Variants in TIE1 observed in about 807,000 individuals in gnomAD.
The protein encoded by TIE1 is tyrosine-protein kinase receptor Tie-1.
In TIE1, 89 loss-of-function variants were observed where a neutral mutation model predicts 130.5. The observed-to-expected ratio is 0.68, with a 90% CI of 0.57 to 0.81. The LOEUF is 0.81. Ranked by LOEUF, TIE1 falls within the 40% of genes least tolerant of loss-of-function variation. The probability of loss-of-function intolerance (pLI) is 0.00; values close to 1 mark genes in which losing one functional copy is unlikely to be tolerated. For missense variants in TIE1, 1,392 were observed against 1,559.8 expected, an observed-to-expected ratio of 0.89 and a Z score of 1.81; for synonymous variants, 568 against 629.4, an observed-to-expected ratio of 0.90 and a Z score of 1.46.
At chr1:43,310,941 A>G (rs1646784069) in intron 9 of TIE1, among the ~76,000 whole-genome samples, 1 of 152,002 alleles carries the variant, frequency 6.6e-6, no homozygotes, top group African/African-American at 2.4e-5. Flanking sequence ...TCTGGTAAAC[A>G]TTTGTAAGAG....
chr1:43,307,669 T>A lies in TIE1; in HGVS notation c.913+97T>A. 1 of 1,602,604 alleles carries A rather than the reference T, an allele frequency of 6.2e-7. No homozygotes were observed. Among genetic ancestry groups the A allele is most frequent in the Non-Finnish European group, 8.5e-7 (1 of 1,172,148 alleles). ...TGCCTCTGACTTACGCAGCAAGCCCTCCTGCTCACTTGACCAGTCCTTCTA... is the reference window on the plus strand; with the variant it reads ...TGCCTCTGACTTACGCAGCAAGCCCACCTGCTCACTTGACCAGTCCTTCTA... On this transcript the variant is annotated intron_variant, in intron 6 of 22. Coordinates refer to ENST00000372476, the MANE Select transcript of TIE1 (RefSeq NM_005424.5). This position sits in a 1 kb window ranked among gnomAD's most constrained non-coding sequence, Gnocchi z 5.4.
chr1:43,306,891 T>C lies in TIE1; in HGVS notation c.536T>C (p.Leu179Pro), dbSNP rs1646733622. ...DWHEAQDGRFLLQLPNVQPPS... is the reference protein window; with the variant it reads ...DWHEAQDGRFPLQLPNVQPPS... Reference sequence around the variant, plus strand: ...CATGAAGCCCAGGATGGGCGGTTCCTGCTGCAGCTCCCAAATGTGCAGCCA... The same window carrying C: ...CATGAAGCCCAGGATGGGCGGTTCCCGCTGCAGCTCCCAAATGTGCAGCCA... Residue 179 changes from leucine to proline, a missense_variant, in exon 4 of 23, where the codon CTG becomes CCG. By Grantham distance (98) the Leu-to-Pro change is moderately conservative. Transcript: ENST00000372476. This position sits in a 1 kb window ranked among gnomAD's most constrained non-coding sequence, Gnocchi z 4.9. The C allele has an allele frequency of 6.2e-7, 1 of 1,614,058 alleles. No individual in the cohort carries two copies. The highest frequency in any genetic ancestry group is 8.5e-7 in the Non-Finnish European group (1 of 1,180,010).
rs1336497349 is a variant in TIE1 at position 43,306,332 on chromosome 1, G to A, written c.485-508G>A. The stretch of plus-strand genomic sequence containing the variant: ...TTCAGGAATGTTAGGAGTCAAGAAG[G>A]GTGTGAAGACGAATGGGGCTGGATG... On this transcript the variant is annotated intron_variant, in intron 3 of 22. Transcript: ENST00000372476. This position sits in a 1 kb window ranked among gnomAD's most constrained non-coding sequence, Gnocchi z 4.9. Among the ~76,000 whole-genome samples the A allele has an allele frequency of 6.6e-6, 1 of 152,202 alleles. No homozygotes were observed. The highest frequency in any genetic ancestry group is 2.4e-5 in the African/African-American group (1 of 41,444).
chr1:43,305,600 G>A (rs1376994501), intron 3 of TIE1, among the ~76,000 whole-genome samples: 1 of 152,178 alleles, frequency 6.6e-6, no homozygotes, highest in African/African-American at 2.4e-5. Context: ...AAATGAGCAC[G>A]ATGTTAAACC....
rs1376012029 is a variant in TIE1 at position 43,307,388 on chromosome 1, A to C, written c.773-44A>C. 6.2e-7 allele frequency: 1 copy of C among 1,609,816 alleles called. No homozygotes were observed. Among genetic ancestry groups the C allele is most frequent in the Non-Finnish European group, 8.5e-7 (1 of 1,176,736 alleles). ...AGGGCGACAGGCAGGTCCTGGGCCC[A>C]GGGGCCCACAGAGGCCCATACACCC... On this transcript the variant is annotated intron_variant, in intron 5 of 22. Coordinates refer to ENST00000372476, the MANE Select transcript of TIE1 (RefSeq NM_005424.5). This position sits in a 1 kb window ranked among gnomAD's most constrained non-coding sequence, Gnocchi z 5.4.
Position 43,306,233 on chromosome 1 carries a change from G to C in TIE1, c.485-607G>C, listed in dbSNP as rs1002650443. 6.6e-6 allele frequency among the ~76,000 whole-genome samples: 1 copy of C among 152,238 alleles called. No homozygotes were observed. The highest frequency in any genetic ancestry group is 1.5e-5 in the Non-Finnish European group (1 of 68,044). On this transcript the variant is annotated intron_variant, in intron 3 of 22. Coordinates refer to ENST00000372476, the MANE Select transcript of TIE1 (RefSeq NM_005424.5). This position sits in a 1 kb window ranked among gnomAD's most constrained non-coding sequence, Gnocchi z 4.9. ...AGAAAAGGAAGGAAGGGCCTTCCAG[G>C]AGGAGGGACTGAGAAGAGCAGTAGG...
In TIE1 at chr1:43,322,703, C is replaced by G. The variant is rs1372878399; in HGVS notation, c.3398C>G (p.Ala1133Gly). ...FENFTYAGID[A>G]TAEEA ...AACTTCACTTACGCGGGCATTGATG[C>G]CACAGCTGAGGAGGCCTGAGCTGCC... The change falls in exon 23 of 23, where the codon GCC (alanine) becomes GGC (glycine). Residue 1133 changes from alanine (A) to glycine (G), a missense_variant. Ala to Gly is a moderately conservative substitution (Grantham distance 60). Coordinates refer to ENST00000372476, the MANE Select transcript of TIE1 (RefSeq NM_005424.5). This position sits in a 1 kb window ranked among gnomAD's most constrained non-coding sequence, Gnocchi z 4.0. 1 of 1,613,860 alleles carries G rather than the reference C, an allele frequency of 6.2e-7. No homozygotes were observed. The highest frequency in any genetic ancestry group is 1.3e-5 in the African/African-American group (1 of 74,938).
At chr1:43,310,220 C>T (rs1331252269) in intron 9 of TIE1, among the ~76,000 whole-genome samples, 1 of 152,104 alleles carries the variant, frequency 6.6e-6, no homozygotes, top group Non-Finnish European at 1.5e-5. Context: ...CTCGCCATCT[C>T]CCTATCCCGT....
chr1:43,303,286 C>T (rs1366439414), intron 1 of TIE1, among the ~76,000 whole-genome samples: 1 of 152,050 alleles, frequency 6.6e-6, no homozygotes, highest in African/African-American at 2.4e-5. Flanking sequence ...AAGACCGTTC[C>T]CGAGTTACTG....
rs200354539 is a variant in TIE1 at position 43,311,683 on chromosome 1, C to G, written c.1346C>G (p.Pro449Arg). Reference sequence around the variant, plus strand: ...AGTCTCCTGGCAGTGCCCCCCGTGCCCCTGGCTGCACCTCGGCTCCTGACC... The same window carrying G: ...AGTCTCCTGGCAGTGCCCCCCGTGCGCCTGGCTGCACCTCGGCTCCTGACC... ...FKVNVKVPPV[P>R]LAAPRLLTKQ... The change falls in exon 10 of 23, where the codon CCC becomes CGC. Residue 449 changes from proline (P) to arginine (R), a missense_variant. This residue lies in a region of TIE1 where 551 missense variants were observed against 565.5 expected (regional missense o/e 0.97). Transcript: ENST00000372476. 2 of 1,613,150 alleles carry G rather than the reference C, an allele frequency of 1.2e-6. No homozygotes were observed. Among genetic ancestry groups the G allele is most frequent in the African/African-American group, 2.7e-5 (2 of 75,002 alleles).
chr1:43,314,339 A>G, intron 14 of TIE1: 1 of 1,146,024 alleles, frequency 8.7e-7, no homozygotes, highest in Non-Finnish European at 1.1e-6. Context: ...AAGGTGATCA[A>G]ATGGAAGGGC....
Position 43,312,187 on chromosome 1 carries a change from C to T in TIE1, c.1630+56C>T. On this transcript the variant is annotated intron_variant, in intron 11 of 22. Coordinates refer to ENST00000372476, the MANE Select transcript of TIE1 (RefSeq NM_005424.5). The surrounding 1 kb of genome is among the most constrained non-coding windows in gnomAD (Gnocchi z 5.6). ...CCCCCAAGGGTTACTTTCCCGTCGA[C>T]CCCAGGGACCCCTGCCTTTCCCACT... is the stretch of plus-strand genomic sequence containing the variant. 4 of 1,513,366 alleles carry T rather than the reference C, an allele frequency of 2.6e-6. No individual in the cohort carries two copies. The highest frequency in any genetic ancestry group is 3.5e-6 in the Non-Finnish European group (4 of 1,130,894). The allele number at this position is 1,513,366 out of a possible 1,614,324, so 93.7% of individuals were successfully genotyped here. A position where few individuals can be genotyped will look rare whatever the true frequency, so the allele number is the denominator to read the frequency against.
chr1:43,306,309 C>T lies in TIE1; in HGVS notation c.485-531C>T, dbSNP rs145752536. Among the ~76,000 whole-genome samples the T allele has an allele frequency of 2.0e-4, 30 of 152,250 alleles. No homozygotes were observed. The highest frequency in any genetic ancestry group is 7.2e-4 in the African/African-American group (30 of 41,530). ...AAGAGAAACAATCCATTCAGGAATTCAGGAATGTTAGGAGTCAAGAAGGGT... is the reference window on the plus strand; with the variant it reads ...AAGAGAAACAATCCATTCAGGAATTTAGGAATGTTAGGAGTCAAGAAGGGT... On this transcript the variant is annotated intron_variant, in intron 3 of 22. Transcript: ENST00000372476. The surrounding 1 kb of genome is among the most constrained non-coding windows in gnomAD (Gnocchi z 4.9).
At position 43,313,185 on chromosome 1, in the gene TIE1, A is replaced by G. The variant is rs774817949; in HGVS notation, c.1978A>G (p.Ile660Val). 6.2e-7 allele frequency: 1 copy of G among 1,613,544 alleles called. No homozygotes were observed. Among genetic ancestry groups the G allele is most frequent in the African/African-American group, 1.3e-5 (1 of 74,976 alleles). The change falls in exon 13 of 23, where the codon ATC (isoleucine) becomes GTC (valine). Residue 660 changes from isoleucine (I) to valine (V), a missense_variant. This residue lies in a region of TIE1 where 551 missense variants were observed against 565.5 expected (regional missense o/e 0.97). Transcript: ENST00000372476. The surrounding 1 kb of genome is among the most constrained non-coding windows in gnomAD (Gnocchi z 6.2). Reference protein sequence around the residue: ...LHAQALSDSEIQLTWKHPEAL... With the variant: ...LHAQALSDSEVQLTWKHPEAL... The stretch of plus-strand genomic sequence containing the variant: ...CGCCCAGGCCCTCTCAGACTCCGAG[A>G]TCCAGCTGACATGGAAGCACCCGGA...
chr1:43,313,641 T>C lies in TIE1; in HGVS notation c.2219-137T>C. 9.1e-7 allele frequency: 1 copy of C among 1,099,782 alleles called. No homozygotes were observed. Among genetic ancestry groups the C allele is most frequent in the East Asian group, 2.6e-5 (1 of 38,540 alleles). The allele number at this position is 1,099,782 out of a possible 1,614,324, so 68.1% of individuals were successfully genotyped here. A position where few individuals can be genotyped will look rare whatever the true frequency, so the allele number is the denominator to read the frequency against. ...CGCCCCTCTGACACCCCTCATCCCT[T>C]CCTTCATGTGGCCCAAGTGATTTCC... On this transcript the variant is annotated intron_variant, in intron 13 of 22. Transcript: ENST00000372476. This position sits in a 1 kb window ranked among gnomAD's most constrained non-coding sequence, Gnocchi z 6.2.
rs746875816 is a variant in TIE1, at chr1:43,301,127, T to TG, written c.58+1dup. ...CCCATCCTCTTCTTGGCTTCTCATG[T>TG]GGGTAAGTCTCCCCTGAGTCCCTCA... On this transcript the variant is annotated frameshift_variant and splice_region_variant, in exon 1 of 23. Transcript: ENST00000372476. LOFTEE classifies it high-confidence loss of function. 1 of 1,613,370 alleles carries TG rather than the reference T, an allele frequency of 6.2e-7. No homozygotes were observed. Among genetic ancestry groups the TG allele is most frequent in the Non-Finnish European group, 8.5e-7 (1 of 1,179,672 alleles).
rs369320663 is a variant in TIE1 at position 43,321,487 on chromosome 1, T to A, written c.3240T>A (p.Asp1080Glu). 5.0e-6 allele frequency: 8 copies of A among 1,612,184 alleles called. No individual in the cohort carries two copies. Among genetic ancestry groups the A allele is most frequent in the Non-Finnish European group, 6.8e-6 (8 of 1,179,152 alleles). ...TGGAGCAGCCTCGAAACTGTGACGA[T>A]GAAGTGTGAGTCACCCCATCCTTGA... ...YRMEQPRNCD[D>E]EVYELMRQCW... is the part of the protein sequence containing the mutation. The change falls in exon 21 of 23, where the codon GAT becomes GAA. Residue 1080 changes from aspartate to glutamate, a missense_variant. Around this residue, in one of 6 missense-constraint regions of TIE1, gnomAD observed 104 missense variants for 129.3 expected, o/e 0.80. Coordinates refer to ENST00000372476, the MANE Select transcript of TIE1 (RefSeq NM_005424.5).
Position 43,321,720 on chromosome 1 carries a change from G to A in TIE1, c.3345+5G>A, listed in dbSNP as rs573939998. 18 of 1,551,916 alleles carry A rather than the reference G, an allele frequency of 1.2e-5. No homozygotes were observed. The African/African-American group carries it at 2.3e-4, about 20-fold the overall frequency. On this transcript the variant is annotated splice_donor_5th_base_variant and intron_variant, in intron 22 of 22. Coordinates refer to ENST00000372476, the MANE Select transcript of TIE1 (RefSeq NM_005424.5). ...CGCATGCTGGAAGCCAGGAAGGTGA[G>A]GAGACTGGGGCTGAGGTGGCGGGCT...
At chr1:43,321,832 G>T (rs1299301848) in intron 22 of TIE1, 117 bp downstream of exon 22, 11 of 960,506 alleles carry the variant, frequency 1.1e-5, no homozygotes, top group Non-Finnish European at 1.7e-5. Flanking sequence ...CCCTCAGTGG[G>T]GGCTGTCACC....
Sources: gnomAD v4.1 joint callset for allele counts (sites outside exome capture counted in the v4.1 genomes callset) on GRCh38, gnomAD v4.1.1 for gene constraint, gnomAD v4.1.1 regional missense constraint, Gnocchi (gnomAD v3.1) non-coding constraint, MANE v1.5 for transcripts, NCBI Gene and HGNC (gene_info 2026-07-23, HGNC 2026-07-21) for gene names.